Variants in MTOR observed in about 807,000 individuals in gnomAD.
MTOR encodes the protein serine/threonine-protein kinase mTOR.
In MTOR, 70 loss-of-function variants were observed where a neutral mutation model predicts 319.8. The observed-to-expected ratio is 0.22, with a 90% CI of 0.18 to 0.27. The LOEUF is 0.27. MTOR is among the 10% of genes least tolerant of loss of function. The pLI, the probability that MTOR is intolerant of heterozygous loss-of-function variation, is 1.00. For missense variants in MTOR, 1,890 were observed against 3,274.4 expected (o/e 0.58, Z 10.32); for synonymous variants, 1,183 against 1,211.4 (o/e 0.98, Z 0.49).
At chr1:11,125,229 C>A (rs1242797944) in intron 46 of MTOR, among the ~76,000 whole-genome samples, 2 of 152,100 alleles carry the variant, frequency 1.3e-5, no homozygotes, top group Non-Finnish European at 2.9e-5. Context: ...TGTTCATGAG[C>A]GCTCCTTGTT....
At position 11,222,288 on chromosome 1, in the gene MTOR, C is replaced by T. The variant is rs369157577; in HGVS notation, c.3031-6054G>A. Among the ~76,000 whole-genome samples the T allele has an allele frequency of 2.7e-3, 404 of 152,144 alleles. 5 individuals are homozygous for T. Among genetic ancestry groups the T allele is most frequent in the African/African-American group, 9.0e-3 (372 of 41,516 alleles). On this transcript the variant is annotated intron_variant, in intron 19 of 57. Coordinates refer to ENST00000361445, the MANE Select transcript of MTOR (RefSeq NM_004958.4). The stretch of plus-strand genomic sequence containing the variant: ...CTCGGCTCACTGCAAGCTCTACCTC[C>T]CGGGTTCATGCCATTCTCCTGTCTC...
intron 14 of MTOR, among the ~76,000 whole-genome samples, chr1:11,233,903 G>T (rs951438696): frequency 2.0e-5 from 3 of 152,134 alleles, no homozygotes; most frequent in Admixed American, 2.0e-4. Context: ...AAACATCTGC[G>T]ATGATGTGCC....
intron 19 of MTOR, 33 bp from the exon 20 acceptor site, chr1:11,216,267 C>T (rs770853010): frequency 6.5e-7 from 1 of 1,545,294 alleles, no homozygotes; most frequent in African/African-American, 1.4e-5. Flanking sequence ...CAGCTGGTAT[C>T]ATGAAGGACA....
Position 11,255,975 on chromosome 1 carries a change from TG to T in MTOR, c.705+16del, listed in dbSNP as rs757917999. ...AGATGTGCTTTGCTAGTGGTGGGAA[TG>T]GAGCCATCTCCTTACCCTGTACCAC... On this transcript the variant is annotated intron_variant, in intron 5 of 57. Coordinates refer to ENST00000361445, the MANE Select transcript of MTOR (RefSeq NM_004958.4). 16 of 1,607,450 alleles carry T rather than the reference TG, an allele frequency of 1.0e-5. No individual in the cohort carries two copies. The African/African-American group carries it at 2.1e-4, about 21-fold the overall frequency.
At chr1:11,150,635 A>C (rs1644108024) in intron 30 of MTOR, among the ~76,000 whole-genome samples, 1 of 152,210 alleles carries the variant, frequency 6.6e-6, no homozygotes. Context: ...ACTGGCTCCT[A>C]AAAGTATTAT....
Position 11,115,662 on chromosome 1 carries a change from G to A in MTOR, c.7017-194C>T. On this transcript the variant is annotated intron_variant, in intron 50 of 57. Coordinates refer to ENST00000361445, the MANE Select transcript of MTOR (RefSeq NM_004958.4). This position sits in a 1 kb window ranked among gnomAD's most constrained non-coding sequence, Gnocchi z 4.5. ...GCTCCCTTGTTTAAGTACTGTTCCAGGCTGCTTCCATGCTACGACAGCAGA... is the reference window on the plus strand; with the variant it reads ...GCTCCCTTGTTTAAGTACTGTTCCAAGCTGCTTCCATGCTACGACAGCAGA... 1 of 561,766 alleles carries A rather than the reference G, an allele frequency of 1.8e-6. No individual in the cohort carries two copies. The highest frequency in any genetic ancestry group is 3.2e-6 in the Non-Finnish European group (1 of 309,400). The allele number at this position is 561,766 out of a possible 1,614,324, so 34.8% of individuals were successfully genotyped here. A position where few individuals can be genotyped will look rare whatever the true frequency, so the allele number is the denominator to read the frequency against.
rs2100866171 is a variant in MTOR at position 11,230,991 on chromosome 1, T to G, written c.2713A>C (p.Met905Leu). The change falls in exon 18 of 58, where the codon ATG becomes CTG. Residue 905 changes from methionine (M) to leucine (L), a missense_variant. Physicochemically the swap from Met to Leu is conservative, Grantham distance 15 (BLOSUM62 2). Transcript: ENST00000361445. ...DPYKHKVNIG[M>L]IDQSRDASAV... ...GAGGCATCCCGGGACTGGTCTATCA[T>G]GCCAATGTTCACTTTGTGCTTGTAA... is the stretch of plus-strand genomic sequence containing the variant. The G allele has an allele frequency of 4.3e-6, 7 of 1,614,122 alleles. No homozygotes were observed. Among genetic ancestry groups the G allele is most frequent in the Non-Finnish European group, 4.2e-6 (5 of 1,180,018 alleles).
chr1:11,143,892 T>C (rs1188101887), intron 34 of MTOR: 2 of 152,142 alleles, frequency 1.3e-5, no homozygotes, highest in African/African-American at 4.8e-5. Context: ...TCCTACCCAC[T>C]CAAGGAATGG....
At chr1:11,244,960 C>T (rs1337783064) in intron 8 of MTOR, among the ~76,000 whole-genome samples, 4 of 152,144 alleles carry the variant, frequency 2.6e-5, no homozygotes, top group Non-Finnish European at 4.4e-5. Flanking sequence ...TCTCCTAAGA[C>T]GCATTTCTCA....
At chr1:11,251,914 G>A (rs747130897) in intron 6 of MTOR, among the ~76,000 whole-genome samples, 3 of 152,124 alleles carry the variant, frequency 2.0e-5, no homozygotes, top group African/African-American at 7.2e-5. Flanking sequence ...AGATCTCAGA[G>A]GTGCCTAGAT....
chr1:11,195,143 C>A, intron 28 of MTOR: 1 of 1,098,840 alleles, frequency 9.1e-7, no homozygotes, highest in Non-Finnish European at 1.3e-6. Flanking sequence ...CTATAATCTC[C>A]AAAGAAAGAA....
intron 15 of MTOR, chr1:11,232,935 T>C (rs572911181): frequency 8.4e-6 from 6 of 718,302 alleles, no homozygotes; most frequent in South Asian, 3.0e-5. Context: ...TCCACCATCA[T>C]GGTGTGTGCC....
At position 11,199,762 on chromosome 1, in the gene MTOR, A is replaced by G; in HGVS notation, c.3945-59T>C. The G allele has an allele frequency of 1.3e-6, 2 of 1,579,430 alleles. No homozygotes were observed. Among genetic ancestry groups the G allele is most frequent in the African/African-American group, 1.3e-5 (1 of 74,412 alleles). ...TCCCGTGCCTCTGCCTGCTGCCTCA[A>G]AGTCACACCTATCAATTCGCTTTTG... is the stretch of plus-strand genomic sequence containing the variant. On this transcript the variant is annotated intron_variant, in intron 26 of 57. Transcript: ENST00000361445. The surrounding 1 kb of genome is among the most constrained non-coding windows in gnomAD (Gnocchi z 4.5).
intron 36 of MTOR, among the ~76,000 whole-genome samples, chr1:11,136,793 C>T (rs1643440364): frequency 6.7e-6 from 1 of 149,872 alleles, no homozygotes; most frequent in Non-Finnish European, 1.5e-5. Context: ...GTGAACCACC[C>T]TTTAGTTTTT....
chr1:11,176,415 A>T (rs1474424233), intron 28 of MTOR, among the ~76,000 whole-genome samples: 1 of 152,212 alleles, frequency 6.6e-6, no homozygotes, highest in Admixed American at 6.5e-5. Context: ...ATCTGCAGGC[A>T]CAGCTGGGGC....
Position 11,238,461 on chromosome 1 carries a change from G to A in MTOR, c.1943C>T (p.Ala648Val), listed in dbSNP as rs774441880. 3.1e-6 allele frequency: 5 copies of A among 1,614,198 alleles called. No homozygotes were observed. The highest frequency in any genetic ancestry group is 4.2e-6 in the Non-Finnish European group (5 of 1,180,042). Residue 648 changes from alanine to valine, a missense_variant, in exon 12 of 58, where the codon GCA becomes GTA. Around this residue, in one of 15 missense-constraint regions of MTOR, gnomAD observed 418 missense variants for 543.1 expected, o/e 0.77. Transcript: ENST00000361445. ...SGHAHVVSQT[A>V]VQVVADVLSK... ...AAGCACATCTGCCACCACTTGCACTGCGGTCTGGCTAACCACATGAGCATG... is the reference window on the plus strand; with the variant it reads ...AAGCACATCTGCCACCACTTGCACTACGGTCTGGCTAACCACATGAGCATG...
chr1:11,141,540 T>C (rs1369965679), intron 34 of MTOR, among the ~76,000 whole-genome samples: 1 of 152,050 alleles, frequency 6.6e-6, no homozygotes, highest in East Asian at 1.9e-4. Flanking sequence ...GGCTAATTTT[T>C]GTATTTTTAG....
Position 11,114,902 on chromosome 1 carries a change from A to G in MTOR, c.7090-15T>C. The G allele has an allele frequency of 6.2e-7, 1 of 1,611,260 alleles. No homozygotes were observed. On this transcript the variant is annotated splice_polypyrimidine_tract_variant and intron_variant, in intron 51 of 57. Transcript: ENST00000361445. ...GTCATAGCAACCTACAGAATAATAA[A>G]TGGGAAAAGCCAAATCAATGTTTAT...
rs375248893 is a variant in MTOR, at chr1:11,167,556, G to A, written c.4254-39C>T. The A allele has an allele frequency of 1.2e-5, 18 of 1,523,816 alleles. No individual in the cohort carries two copies. The African/African-American group carries it at 2.5e-4, about 21-fold the overall frequency. The allele number at this position is 1,523,816 out of a possible 1,614,324, so 94.4% of individuals were successfully genotyped here. ...GGGAAAAGGTAGTTACACTCAACAG[G>A]TCTGAGGGTAGGAGATGTGGGGGTC... On this transcript the variant is annotated intron_variant, in intron 28 of 57. Transcript: ENST00000361445.
Sources: allele counts gnomAD v4.1 joint callset (sites outside exome capture counted in the v4.1 genomes callset), GRCh38; gene constraint gnomAD v4.1.1; regional missense constraint gnomAD v4.1.1; non-coding constraint Gnocchi (gnomAD v3.1); transcripts MANE v1.5; gene names NCBI Gene and HGNC (gene_info 2026-07-23, HGNC 2026-07-21).